Variants in TMEM44 observed in about 807,000 individuals in gnomAD.
TMEM44 encodes transmembrane protein 44.
TMEM44 carries 43 observed loss-of-function variants against 47.8 expected under a neutral mutation model. The ratio of observed to expected loss-of-function variants is 0.90; its 90% CI spans 0.70 to 1.16. TMEM44 has a LOEUF of 1.16. Ranked by LOEUF, TMEM44 falls within the 50% of genes most tolerant of loss-of-function variation. TMEM44 has a pLI of 0.00. For missense variants in TMEM44, 568 were observed against 555.2 expected, an observed-to-expected ratio of 1.02 and a Z score of -0.23; for synonymous variants, 277 against 238.8, an observed-to-expected ratio of 1.16 and a Z score of -1.48.
chr3:194,612,814 G>A (rs569735579), intron 7 of TMEM44, among the ~76,000 whole-genome samples: 3 of 152,096 alleles, frequency 2.0e-5, no homozygotes, highest in East Asian at 1.9e-4. Flanking sequence ...ACAGGCACCC[G>A]CCACCGCGCC....
chr3:194,596,715 C>T (rs1402414505), intron 9 of TMEM44, among the ~76,000 whole-genome samples: 4 of 152,128 alleles, frequency 2.6e-5, no homozygotes, highest in African/African-American at 9.7e-5. Context: ...CACTTGAACC[C>T]GGGAGGTGGA....
intron 5 of TMEM44, 123 bp downstream of exon 5, chr3:194,623,101 C>T: frequency 1.1e-6 from 1 of 917,058 alleles, no homozygotes; most frequent in Non-Finnish European, 1.6e-6. Flanking sequence ...TCAGGAAAAG[C>T]TGAGCCCATG....
intron 8 of TMEM44, among the ~76,000 whole-genome samples, chr3:194,606,365 G>A (rs1714776119): frequency 6.6e-6 from 1 of 152,132 alleles, no homozygotes; most frequent in Non-Finnish European, 1.5e-5. Flanking sequence ...CTTCTAATGG[G>A]ATATGTATCA....
At chr3:194,598,929 C>T (rs1713741021) in intron 9 of TMEM44, among the ~76,000 whole-genome samples, 1 of 152,172 alleles carries the variant, frequency 6.6e-6, no homozygotes, top group South Asian at 2.1e-4. Flanking sequence ...CACTCATCAA[C>T]CCAAGGGATC....
In TMEM44 at chr3:194,588,220, A is replaced by G; in HGVS notation, c.*309T>C. The G allele has an allele frequency of 3.2e-6, 1 of 316,636 alleles. No homozygotes were observed. The allele number at this position is 316,636 out of a possible 1,614,324, so 19.6% of individuals were successfully genotyped here. A position where few individuals can be genotyped will look rare whatever the true frequency, so the allele number is the denominator to read the frequency against. On this transcript the variant is annotated 3_prime_UTR_variant, in exon 10 of 10. Transcript: ENST00000347147. ...GTATTCCGTTCATGGCTGACTCTCAAGGGAATGAAGGGAAAAGGAAGAGCG... is the reference window on the plus strand; with the variant it reads ...GTATTCCGTTCATGGCTGACTCTCAGGGGAATGAAGGGAAAAGGAAGAGCG...
chr3:194,632,879 C>G, intron 1 of TMEM44, 200 bp downstream of exon 1: 1 of 949,418 alleles, frequency 1.1e-6, no homozygotes, highest in Non-Finnish European at 1.5e-6. Context: ...CCCTTTGGCT[C>G]ACAGCCCAGC....
chr3:194,593,792 A>G (rs780482962), intron 9 of TMEM44, among the ~76,000 whole-genome samples: 2 of 152,056 alleles, frequency 1.3e-5, no homozygotes, highest in African/African-American at 2.4e-5. Flanking sequence ...ACTCCTTAAC[A>G]TTTTTCATTA....
rs545245359 is a variant in TMEM44 at position 194,624,126 on chromosome 3, G to A, written c.359-431C>T. Among the ~76,000 whole-genome samples, 7 of 152,302 alleles carry A rather than the reference G, an allele frequency of 4.6e-5. No homozygotes were observed. In the East Asian group the frequency reaches 1.2e-3, roughly 25 times the overall value. ...GCGATGGCACCAGCGGGAACTGTGC[G>A]CGGGACAAACAGCAATGAGCAGTGT... On this transcript the variant is annotated intron_variant, in intron 3 of 9. Coordinates refer to ENST00000347147, the MANE Select transcript of TMEM44 (RefSeq NM_001011655.3).
chr3:194,594,451 C>T (rs1167368729), intron 9 of TMEM44, among the ~76,000 whole-genome samples: 1 of 152,100 alleles, frequency 6.6e-6, no homozygotes. Context: ...GCATGAGCCA[C>T]TGCTCCCAGC....
intron 9 of TMEM44, among the ~76,000 whole-genome samples, chr3:194,595,639 T>G (rs1713311751): frequency 6.6e-6 from 1 of 151,840 alleles, no homozygotes. Flanking sequence ...TTTTTTTTTT[T>G]TTTTGAGATG....
At chr3:194,598,068 A>G (rs897515398) in intron 9 of TMEM44, among the ~76,000 whole-genome samples, 3 of 152,216 alleles carry the variant, frequency 2.0e-5, no homozygotes, top group Admixed American at 6.5e-5. Context: ...ATGGATCCAC[A>G]GTCTCCGTGG....
intron 5 of TMEM44, among the ~76,000 whole-genome samples, chr3:194,619,781 C>G (rs181521267): frequency 1.6e-4 from 24 of 152,334 alleles, no homozygotes; most frequent in Non-Finnish European, 2.8e-4. Context: ...ACCAGAGTCA[C>G]TGAGAGGCAG....
intron 3 of TMEM44, 85 bp from the exon 4 acceptor site, chr3:194,623,780 G>C: frequency 6.4e-7 from 1 of 1,556,398 alleles, no homozygotes; most frequent in Non-Finnish European, 8.8e-7. Context: ...ACTGGTGTCA[G>C]CTCCCCACAT....
At chr3:194,614,036 C>T (rs899075077) in intron 7 of TMEM44, among the ~76,000 whole-genome samples, 7 of 151,944 alleles carry the variant, frequency 4.6e-5, no homozygotes, top group Admixed American at 2.0e-4. Flanking sequence ...GCAGGAGAAT[C>T]GCTTGAACCC....
chr3:194,617,053 C>A, intron 6 of TMEM44, 46 bp downstream of exon 6: 1 of 1,442,434 alleles, frequency 6.9e-7, no homozygotes, highest in Non-Finnish European at 9.1e-7. Flanking sequence ...AGACACAGGC[C>A]TCCTCTGGCT....
intron 8 of TMEM44, among the ~76,000 whole-genome samples, chr3:194,606,931 C>T (rs1213697166): frequency 2.4e-4 from 29 of 120,608 alleles, no homozygotes; most frequent in Admixed American, 8.8e-4. Context: ...CCAGCCTGGG[C>T]GACAGAGCGA....
At chr3:194,612,511 T>C (rs1420769207) in intron 7 of TMEM44, among the ~76,000 whole-genome samples, 1 of 152,044 alleles carries the variant, frequency 6.6e-6, no homozygotes, top group Admixed American at 6.6e-5. Flanking sequence ...TCCCCATCAC[T>C]TCCTCCATCC....
At chr3:194,615,726 C>A in intron 6 of TMEM44, 29 bp from the exon 7 acceptor site, 1 of 1,611,134 alleles carries the variant, frequency 6.2e-7, no homozygotes. Flanking sequence ...AGGTAGGAAG[C>A]AGAATATTCC....
intron 1 of TMEM44, 91 bp downstream of exon 1, chr3:194,632,988 C>T: frequency 1.3e-6 from 2 of 1,487,364 alleles, no homozygotes; most frequent in Non-Finnish European, 1.8e-6. Context: ...ATCCCCCTTT[C>T]CGCCCCCTCC....
Sources: gnomAD v4.1 joint callset for allele counts (sites outside exome capture counted in the v4.1 genomes callset) on GRCh38, gnomAD v4.1.1 for gene constraint, MANE v1.5 for transcripts, NCBI Gene and HGNC (gene_info 2026-07-23, HGNC 2026-07-21) for gene names.